Variants in KCNT2 observed in about 807,000 individuals in gnomAD.
KCNT2 encodes the protein potassium channel subfamily T member 2.
KCNT2 carries 67 observed loss-of-function variants against 153.8 expected under a neutral mutation model. The observed-to-expected ratio is 0.44, with a 90% CI of 0.36 to 0.53. The LOEUF (loss-of-function observed/expected upper bound fraction) is 0.53. Ranked by LOEUF, KCNT2 falls within the 20% of genes least tolerant of loss-of-function variation. The pLI, the probability that KCNT2 is intolerant of heterozygous loss-of-function variation, is 0.00. For missense variants in KCNT2, 975 were observed against 1,354.8 expected, an observed-to-expected ratio of 0.72 and a Z score of 4.40; for synonymous variants, 500 against 458.8, an observed-to-expected ratio of 1.09 and a Z score of -1.15.
At chr1:196,376,650 G>A (rs1668993839) in intron 13 of KCNT2, among the ~76,000 whole-genome samples, 1 of 151,784 alleles carries the variant, frequency 6.6e-6, no homozygotes, top group South Asian at 2.1e-4. Flanking sequence ...CACCTTGTAA[G>A]ACTTGATTAC....
At chr1:196,287,659 TC>T (rs997352422) in intron 22 of KCNT2, among the ~76,000 whole-genome samples, 6 of 152,058 alleles carry the variant, frequency 3.9e-5, no homozygotes, top group African/African-American at 1.4e-4. Context: ...ACTATTAAAG[TC>T]CCCAAACACC....
At chr1:196,519,823 A>T (rs1448081470) in intron 1 of KCNT2, among the ~76,000 whole-genome samples, 1 of 152,090 alleles carries the variant, frequency 6.6e-6, no homozygotes, top group Non-Finnish European at 1.5e-5. Flanking sequence ...TACACAAAAA[A>T]AGCCCAAGAC....
chr1:196,465,140 T>C (rs1677495075), intron 8 of KCNT2, among the ~76,000 whole-genome samples, 153 bp downstream of exon 8: 1 of 152,042 alleles, frequency 6.6e-6, no homozygotes, highest in Admixed American at 6.6e-5. Flanking sequence ...AGAGTGTTAC[T>C]TTTTCTTCTG....
At chr1:196,389,909 T>G (rs1162548771) in intron 13 of KCNT2, among the ~76,000 whole-genome samples, 1 of 151,666 alleles carries the variant, frequency 6.6e-6, no homozygotes, top group Non-Finnish European at 1.5e-5. Context: ...CTACTATGTC[T>G]GCTCAGAGTG....
intron 8 of KCNT2, among the ~76,000 whole-genome samples, chr1:196,463,962 C>T (rs1012024994): frequency 6.6e-5 from 10 of 151,790 alleles, no homozygotes; most frequent in African/African-American, 2.4e-4. Flanking sequence ...TATCCTTTGT[C>T]TAAATTTACT....
intron 8 of KCNT2, among the ~76,000 whole-genome samples, chr1:196,446,320 G>A (rs941924697): frequency 6.6e-6 from 1 of 151,156 alleles, no homozygotes; most frequent in South Asian, 2.1e-4. Context: ...ACATTTAACG[G>A]TCATTATTCT....
intron 12 of KCNT2, among the ~76,000 whole-genome samples, chr1:196,410,025 G>A (rs1442572288): frequency 6.6e-6 from 1 of 151,538 alleles, no homozygotes; most frequent in African/African-American, 2.4e-5. Flanking sequence ...TTTTCGATTT[G>A]CATTTCCCTG....
chr1:196,439,836 AT>A lies in KCNT2; in HGVS notation c.639-10080del, dbSNP rs375247008. ...TAATATGGACTTGTTATTAAAAGATATATAATAACACATGGACACTGGGAGG... is the reference window on the plus strand; with the variant it reads ...TAATATGGACTTGTTATTAAAAGATAATAATAACACATGGACACTGGGAGG... On this transcript the variant is annotated intron_variant, in intron 8 of 27. Transcript: ENST00000294725. 5.9e-5 allele frequency among the ~76,000 whole-genome samples: 9 copies of A among 152,086 alleles called. No individual in the cohort carries two copies. In the East Asian group the frequency reaches 1.6e-3, roughly 26 times the overall value.
At chr1:196,310,873 T>A (rs896100254) in intron 21 of KCNT2, among the ~76,000 whole-genome samples, 1 of 151,874 alleles carries the variant, frequency 6.6e-6, no homozygotes, top group Admixed American at 6.6e-5. Flanking sequence ...CATATGAACA[T>A]ACTTTACAAA....
chr1:196,307,473 C>T (rs925010057), intron 21 of KCNT2, among the ~76,000 whole-genome samples: 1 of 152,100 alleles, frequency 6.6e-6, no homozygotes, highest in Non-Finnish European at 1.5e-5. Flanking sequence ...CTGTTGGCTT[C>T]TCTAGCTACC....
chr1:196,563,366 G>A (rs1472663195), intron 1 of KCNT2, among the ~76,000 whole-genome samples: 2 of 150,752 alleles, frequency 1.3e-5, no homozygotes, highest in African/African-American at 2.4e-5. Flanking sequence ...CATCTGTTTG[G>A]GTTGCCACCT....
intron 13 of KCNT2, among the ~76,000 whole-genome samples, chr1:196,379,402 C>G (rs1217262416): frequency 2.0e-5 from 3 of 152,044 alleles, no homozygotes; most frequent in African/African-American, 7.2e-5. Context: ...AAAACCCAGT[C>G]TCTACCAAAA....
At chr1:196,474,253 T>G (rs559772553) in intron 5 of KCNT2, among the ~76,000 whole-genome samples, 7 of 152,292 alleles carry the variant, frequency 4.6e-5, no homozygotes, top group African/African-American at 1.7e-4. Flanking sequence ...ATATTAGTTA[T>G]AGCAGTTCAT....
chr1:196,265,607 C>T (rs960307687), intron 25 of KCNT2, among the ~76,000 whole-genome samples: 6 of 152,120 alleles, frequency 3.9e-5, no homozygotes, highest in Non-Finnish European at 7.3e-5. Flanking sequence ...GGAAAAATAC[C>T]TGTTACTTTG....
intron 1 of KCNT2, among the ~76,000 whole-genome samples, chr1:196,517,186 A>G (rs577827706): frequency 4.6e-5 from 7 of 152,328 alleles, no homozygotes; most frequent in African/African-American, 1.7e-4. Context: ...TATTCCATGC[A>G]GGTCCCAGTA....
intron 1 of KCNT2, among the ~76,000 whole-genome samples, chr1:196,496,777 A>T (rs1680293158): frequency 6.6e-6 from 1 of 152,166 alleles, no homozygotes; most frequent in African/African-American, 2.4e-5. Context: ...ACATTGCAAG[A>T]CACACTCAAA....
intron 14 of KCNT2, among the ~76,000 whole-genome samples, chr1:196,349,129 T>G (rs1666398752): frequency 6.6e-6 from 1 of 152,042 alleles, no homozygotes; most frequent in Admixed American, 6.6e-5. Context: ...TTTTATGCCC[T>G]CAACAAATGT....
rs1174166973 is a variant in KCNT2, at chr1:196,225,947, A to G, written c.*2277T>C. The G allele has an allele frequency of 6.6e-6, 1 of 152,098 alleles. No homozygotes were observed. The highest frequency in any genetic ancestry group is 1.5e-5 in the Non-Finnish European group (1 of 67,954). The allele number at this position is 152,098 out of a possible 1,614,324, so 9.4% of individuals were successfully genotyped here. ...AGTATAATTATTTTAAAAAGGCAAC[A>G]TTTCATTAAAAGTCTTTTATAAGCA... On this transcript the variant is annotated 3_prime_UTR_variant, in exon 28 of 28. Coordinates refer to ENST00000294725, the MANE Select transcript of KCNT2 (RefSeq NM_198503.5).
At chr1:196,286,780 C>T (rs1048378399) in intron 22 of KCNT2, among the ~76,000 whole-genome samples, 1 of 151,806 alleles carries the variant, frequency 6.6e-6, no homozygotes, top group East Asian at 1.9e-4. Context: ...GGTAAGAGAG[C>T]AAATGTCAAA....
Sources: gnomAD v4.1 joint callset for allele counts (sites outside exome capture counted in the v4.1 genomes callset) on GRCh38, gnomAD v4.1.1 for gene constraint, MANE v1.5 for transcripts, NCBI Gene and HGNC (gene_info 2026-07-23, HGNC 2026-07-21) for gene names.